The following LRRC20 variants were observed in gnomAD, a reference collection of about 807,000 sequenced individuals.
LRRC20 encodes the protein leucine-rich repeat-containing protein 20.
In LRRC20, 11 loss-of-function variants were observed where a neutral mutation model predicts 14.4. That is an observed-to-expected ratio of 0.77 (90% CI 0.48 to 1.27). The LOEUF (loss-of-function observed/expected upper bound fraction) is 1.27, where lower values mean the gene tolerates loss of function less well. Ranked by LOEUF, LRRC20 falls within the 50% of genes most tolerant of loss-of-function variation. LRRC20 has a pLI of 0.00. For synonymous variants in LRRC20, 121 were observed against 107.3 expected (o/e 1.13, Z -0.79); for missense variants, 219 against 251.2 (o/e 0.87, Z 0.87).
intron 2 of LRRC20, among the ~76,000 whole-genome samples, chr10:70,360,780 C>T (rs1564640330): frequency 2.0e-5 from 3 of 152,144 alleles, no homozygotes; most frequent in Admixed American, 1.3e-4. Flanking sequence ...GTCCCTATCC[C>T]GTTGTGTCTC....
intron 4 of LRRC20, among the ~76,000 whole-genome samples, chr10:70,315,008 A>G (rs1194628425): frequency 6.6e-6 from 1 of 152,190 alleles, no homozygotes; most frequent in African/African-American, 2.4e-5. Flanking sequence ...CTTGGGTTGG[A>G]ATCCCGGCTC....
chr10:70,346,685 G>C (rs1277434771), intron 2 of LRRC20, among the ~76,000 whole-genome samples: 1 of 152,128 alleles, frequency 6.6e-6, no homozygotes, highest in East Asian at 1.9e-4. Context: ...GCCTGGGAAA[G>C]ACAATAGAAA....
intron 2 of LRRC20, among the ~76,000 whole-genome samples, chr10:70,370,004 G>C (rs963095768): frequency 6.6e-6 from 1 of 152,118 alleles, no homozygotes; most frequent in Admixed American, 6.5e-5. Context: ...TTGAACCTGA[G>C]AAGTGGAGGC....
intron 3 of LRRC20, among the ~76,000 whole-genome samples, chr10:70,326,359 T>A (rs1332524473): frequency 1.3e-5 from 2 of 148,980 alleles, no homozygotes; most frequent in Non-Finnish European, 1.5e-5. Context: ...CCAGCCCCAC[T>A]GCAAATGCCC....
chr10:70,348,427 C>A (rs1012033960), intron 2 of LRRC20, among the ~76,000 whole-genome samples: 1 of 152,230 alleles, frequency 6.6e-6, no homozygotes, highest in Non-Finnish European at 1.5e-5. Context: ...ATGCTGTATG[C>A]CACACACGGG....
intron 3 of LRRC20, among the ~76,000 whole-genome samples, chr10:70,328,025 G>A (rs575585517): frequency 2.6e-5 from 4 of 152,298 alleles, no homozygotes; most frequent in African/African-American, 9.6e-5. Context: ...ATGACAAGAG[G>A]AGAACCAGGA....
chr10:70,317,989 C>T (rs902666269), intron 4 of LRRC20, among the ~76,000 whole-genome samples: 1 of 152,270 alleles, frequency 6.6e-6, no homozygotes, highest in African/African-American at 2.4e-5. Context: ...GGGCAGCAGG[C>T]CAGATGTTGG....
intron 2 of LRRC20, among the ~76,000 whole-genome samples, chr10:70,356,354 A>G (rs1843518056): frequency 6.6e-6 from 1 of 152,104 alleles, no homozygotes; most frequent in Non-Finnish European, 1.5e-5. Flanking sequence ...TCTATAAAAA[A>G]TACAAAAAGT....
intron 2 of LRRC20, among the ~76,000 whole-genome samples, chr10:70,349,067 G>C (rs1843186511): frequency 1.3e-5 from 2 of 152,228 alleles, no homozygotes; most frequent in African/African-American, 2.4e-5. Flanking sequence ...AGACAGGAGA[G>C]AGTGGTCCTC....
At chr10:70,318,315 C>T (rs551803502) in intron 4 of LRRC20, among the ~76,000 whole-genome samples, 25 of 152,304 alleles carry the variant, frequency 1.6e-4, no homozygotes, top group Admixed American at 5.2e-4. Flanking sequence ...CATTTCTAAC[C>T]CGTTCTCTAG....
intron 2 of LRRC20, among the ~76,000 whole-genome samples, chr10:70,343,534 G>A (rs190454038): frequency 4.5e-4 from 69 of 152,330 alleles, no homozygotes; most frequent in African/African-American, 1.1e-3. Context: ...GGGGTTGGCA[G>A]GAGAGACTGC....
At chr10:70,304,355 G>A (rs917454662) in intron 4 of LRRC20, among the ~76,000 whole-genome samples, 10 of 151,654 alleles carry the variant, frequency 6.6e-5, no homozygotes, top group Non-Finnish European at 1.2e-4. Flanking sequence ...ACGGTTGGGG[G>A]CTTTTTGTTT....
intron 1 of LRRC20, among the ~76,000 whole-genome samples, chr10:70,378,694 C>T (rs954797416): frequency 6.7e-6 from 1 of 149,808 alleles, no homozygotes; most frequent in South Asian, 2.1e-4. Context: ...ATCACTTGAA[C>T]CCAGGAGGCA....
chr10:70,306,486 T>A (rs951613882), intron 4 of LRRC20, among the ~76,000 whole-genome samples: 1 of 152,172 alleles, frequency 6.6e-6, no homozygotes, highest in Non-Finnish European at 1.5e-5. Flanking sequence ...TCATTTTGTG[T>A]TTGTCTGGTG....
Position 70,376,520 on chromosome 10 carries a change from ATCT to A in LRRC20, c.11_13del (p.Lys4del). ...TGCTACTCTGGCCACGGCCTCACCC[ATCT>A]TCTTCAGCATGCAGACACAGGTGTC... On this transcript the variant is annotated inframe_deletion, in exon 2 of 5. Coordinates refer to ENST00000446961, the MANE Select transcript of LRRC20 (RefSeq NM_001278212.2). The A allele has an allele frequency of 6.2e-7, 1 of 1,613,592 alleles. No individual in the cohort carries two copies. The highest frequency in any genetic ancestry group is 8.5e-7 in the Non-Finnish European group (1 of 1,179,982).
At chr10:70,316,321 TG>T (rs1468031018) in intron 4 of LRRC20, among the ~76,000 whole-genome samples, 14 of 152,102 alleles carry the variant, frequency 9.2e-5, no homozygotes, top group Admixed American at 8.5e-4. Context: ...TTAGTAGAGA[TG>T]GGGTTTCACC....
At chr10:70,354,787 G>A (rs1843460631) in intron 2 of LRRC20, among the ~76,000 whole-genome samples, 1 of 152,160 alleles carries the variant, frequency 6.6e-6, no homozygotes. Context: ...CAGAGACAGA[G>A]TCTCTTCACT....
At chr10:70,366,374 G>T (rs775636274) in intron 2 of LRRC20, among the ~76,000 whole-genome samples, 2 of 151,960 alleles carry the variant, frequency 1.3e-5, no homozygotes, top group African/African-American at 2.4e-5. Context: ...AGTGAGCTGA[G>T]ATTGTGCCAC....
At chr10:70,355,185 C>T (rs1056689890) in intron 2 of LRRC20, among the ~76,000 whole-genome samples, 10 of 152,170 alleles carry the variant, frequency 6.6e-5, no homozygotes, top group Admixed American at 2.6e-4. Context: ...ATCAAGGGAT[C>T]GTGCCGTGCA....
Sources: gnomAD v4.1 joint callset for allele counts (sites outside exome capture counted in the v4.1 genomes callset) on GRCh38, gnomAD v4.1.1 for gene constraint, MANE v1.5 for transcripts, NCBI Gene and HGNC (gene_info 2026-07-23, HGNC 2026-07-21) for gene names.